LRRN4: variants seen among roughly 807,000 people sequenced by gnomAD.
LRRN4 encodes leucine rich repeat neuronal 4, also known as leucine-rich repeat neuronal protein 4.
A neutral mutation model predicts 22.3 loss-of-function variants in LRRN4; 26 were observed. That is an observed-to-expected ratio of 1.16 (90% CI 0.85 to 1.62). The LOEUF (loss-of-function observed/expected upper bound fraction) is 1.62. LRRN4 is among the 40% of genes most tolerant of loss of function. The probability of loss-of-function intolerance (pLI) is 0.00; values close to 1 mark genes in which losing one functional copy is unlikely to be tolerated. For synonymous variants in LRRN4, 496 were observed against 486.2 expected (o/e 1.02, Z -0.26); for missense variants, 1,070 against 1,008.5 (o/e 1.06, Z -0.83).
rs776917019 is a variant in LRRN4 at position 6,041,311 on chromosome 20, G to T, written c.1934C>A (p.Thr645Asn). 2 of 1,596,784 alleles carry T rather than the reference G, an allele frequency of 1.3e-6. No homozygotes were observed. Among genetic ancestry groups the T allele is most frequent in the Non-Finnish European group, 1.7e-6 (2 of 1,175,636 alleles). ...QHPLYGLSPG[T>N]TYRVCVLAAN... ...CGCCAGCACGCACACGCGGTAGGTG[G>T]TGCCCGGCGACAGCCCGTACAGAGG... Residue 645 changes from threonine to asparagine, a missense_variant, in exon 5 of 5, where the codon ACC (threonine) becomes AAC (asparagine). Transcript: ENST00000378858. This position sits in a 1 kb window ranked among gnomAD's most constrained non-coding sequence, Gnocchi z 9.4.
At chr20:6,044,723 A>G (rs1343213062) in intron 3 of LRRN4, 43 bp from the exon 4 acceptor site, 3 of 1,453,364 alleles carry the variant, frequency 2.1e-6, no homozygotes, top group Non-Finnish European at 2.7e-6. Context: ...GGTTTTTACA[A>G]TTGTATCAAA....
chr20:6,052,861 TC>T (rs1981300965), intron 1 of LRRN4, 57 bp from the exon 2 acceptor site: 2 of 1,469,984 alleles, frequency 1.4e-6, no homozygotes, highest in South Asian at 2.6e-5. Flanking sequence ...GCACAAAGAG[TC>T]AGATGCGCGT....
chr20:6,052,464 G>A lies in LRRN4; in HGVS notation c.336C>T (p.Ala112=), dbSNP rs947742255. The change falls in exon 2 of 5, where the codon GCC becomes GCT. Residue 112 remains alanine, a synonymous_variant. Coordinates refer to ENST00000378858, the MANE Select transcript of LRRN4 (RefSeq NM_152611.5). ...GCCCACCCGGGCCCCAGCGCAGCGC[G>A]GCGATGCGGTTGTGGCGCAGGGTCA... is the stretch of plus-strand genomic sequence containing the variant. ...QVLTLRHNRI[A]ALRWGPGGPA... The A allele has an allele frequency of 6.4e-7, 1 of 1,562,784 alleles. No homozygotes were observed. Among genetic ancestry groups the A allele is most frequent in the Non-Finnish European group, 8.6e-7 (1 of 1,163,218 alleles).
Position 6,052,252 on chromosome 20 carries a change from C to A in LRRN4, c.548G>T (p.Gly183Val). The change falls in exon 2 of 5, where the codon GGT becomes GTT. Residue 183 changes from glycine to valine, a missense_variant. Physicochemically the swap from Gly to Val is moderately radical, Grantham distance 109 (BLOSUM62 -3). Transcript: ENST00000378858. ...GGCGATGCCCCCCTGGGCTCCGCGA[C>A]CCAGCGCGGTGCAGGAGAGGTTGAG... ...QLLNLSCTAL[G>V]RGAQGGIAEA... 6.4e-7 allele frequency: 1 copy of A among 1,559,796 alleles called. No individual in the cohort carries two copies. Among genetic ancestry groups the A allele is most frequent in the Non-Finnish European group, 8.7e-7 (1 of 1,153,142 alleles).
chr20:6,046,624 C>G lies in LRRN4; in HGVS notation c.861-1944G>C, dbSNP rs536152433. 2.0e-5 allele frequency among the ~76,000 whole-genome samples: 3 copies of G among 148,830 alleles called. No homozygotes were observed. In the South Asian group the frequency reaches 6.4e-4, roughly 32 times the overall value. On this transcript the variant is annotated intron_variant, in intron 3 of 4. Transcript: ENST00000378858. ...TCTCTTCTGACCAAAGGCTGGCTTT[C>G]CTCAGTCTGCCTGGGAACCTGCCCT...
intron 2 of LRRN4, 114 bp from the exon 3 acceptor site, chr20:6,051,097 G>A (rs1981233285): frequency 1.2e-6 from 1 of 867,772 alleles, no homozygotes. Context: ...TCATCGCTGA[G>A]CACGGGCACA....
At position 6,041,309 on chromosome 20, in the gene LRRN4, T is replaced by C; in HGVS notation, c.1936A>G (p.Thr646Ala). The C allele has an allele frequency of 6.3e-7, 1 of 1,592,450 alleles. No individual in the cohort carries two copies. Among genetic ancestry groups the C allele is most frequent in the Non-Finnish European group, 8.5e-7 (1 of 1,171,710 alleles). Residue 646 changes from threonine to alanine, a missense_variant, in exon 5 of 5, where the codon ACC becomes GCC. Physicochemically the swap from Thr to Ala is moderately conservative, Grantham distance 58. Transcript: ENST00000378858. This position sits in a 1 kb window ranked among gnomAD's most constrained non-coding sequence, Gnocchi z 9.4. ...HPLYGLSPGT[T>A]YRVCVLAANR... ...GCCGCCAGCACGCACACGCGGTAGG[T>C]GGTGCCCGGCGACAGCCCGTACAGA...
Position 6,052,678 on chromosome 20 carries a change from C to A in LRRN4, c.122G>T (p.Ser41Ile). 1 of 1,575,964 alleles carries A rather than the reference C, an allele frequency of 6.3e-7. No homozygotes were observed. Among genetic ancestry groups the A allele is most frequent in the South Asian group, 1.1e-5 (1 of 87,560 alleles). ...TQQGPWGSSG[S>I]NATDSPCEGL... ...CTCGCAGGGCGAGTCGGTGGCGTTGCTGCCACTGCTCCCCCAGGGGCCCTG... is the reference window on the plus strand; with the variant it reads ...CTCGCAGGGCGAGTCGGTGGCGTTGATGCCACTGCTCCCCCAGGGGCCCTG... The change falls in exon 2 of 5, where the codon AGC becomes ATC. Residue 41 changes from serine to isoleucine, a missense_variant. Coordinates refer to ENST00000378858, the MANE Select transcript of LRRN4 (RefSeq NM_152611.5).
rs1981326654 is a variant in LRRN4 at position 6,053,941 on chromosome 20, T to G, written c.-117A>C. Reference sequence around the variant, plus strand: ...TTTGGACAGCAACTCAGCTATGAACTCCAGAGGGAGGCCTGTCTCCCAGCT... The same window carrying G: ...TTTGGACAGCAACTCAGCTATGAACGCCAGAGGGAGGCCTGTCTCCCAGCT... On this transcript the variant is annotated 5_prime_UTR_variant, in exon 1 of 5. Coordinates refer to ENST00000378858, the MANE Select transcript of LRRN4 (RefSeq NM_152611.5). The G allele has an allele frequency of 6.6e-6, 1 of 152,324 alleles. No homozygotes were observed. The highest frequency in any genetic ancestry group is 2.1e-4 in the South Asian group (1 of 4,826). The allele number at this position is 152,324 out of a possible 1,614,324, so 9.4% of individuals were successfully genotyped here. A position where few individuals can be genotyped will look rare whatever the true frequency, so the allele number is the denominator to read the frequency against.
In LRRN4 at chr20:6,041,414, G is replaced by C. The variant is rs1466236494; in HGVS notation, c.1831C>G (p.Gln611Glu). The C allele has an allele frequency of 1.9e-6, 3 of 1,564,064 alleles. No homozygotes were observed. Among genetic ancestry groups the C allele is most frequent in the Non-Finnish European group, 2.6e-6 (3 of 1,154,760 alleles). The stretch of plus-strand genomic sequence containing the variant: ...CAGCCCTCCGCAGAGTAGCGGATCT[G>C]GTACCCATGCACTACCGAGTTGGGG... ...CAPNSVVHGY[Q>E]IRYSAEGWAG... is the part of the protein sequence containing the mutation. Residue 611 changes from glutamine to glutamate, a missense_variant, in exon 5 of 5, where the codon CAG becomes GAG. Gln to Glu is a conservative substitution (Grantham distance 29). Coordinates refer to ENST00000378858, the MANE Select transcript of LRRN4 (RefSeq NM_152611.5). This position sits in a 1 kb window ranked among gnomAD's most constrained non-coding sequence, Gnocchi z 9.4.
Position 6,041,732 on chromosome 20 carries a change from C to T in LRRN4, c.1513G>A (p.Ala505Thr), listed in dbSNP as rs1303514639. 2 of 1,613,570 alleles carry T rather than the reference C, an allele frequency of 1.2e-6. No individual in the cohort carries two copies. Among genetic ancestry groups the T allele is most frequent in the Admixed American group, 1.7e-5 (1 of 60,006 alleles). Residue 505 changes from alanine (A) to threonine (T), a missense_variant, in exon 5 of 5, where the codon GCC becomes ACC. Coordinates refer to ENST00000378858, the MANE Select transcript of LRRN4 (RefSeq NM_152611.5). The surrounding 1 kb of genome is among the most constrained non-coding windows in gnomAD (Gnocchi z 9.4). ...SSPQPGQRTHATPQAPNPSLS... is the reference protein window; with the variant it reads ...SSPQPGQRTHTTPQAPNPSLS... ...CTCGGGTTGGGGGCTTGGGGTGTGG[C>T]GTGTGTCCTCTGGCCGGGCTGAGGC...
In LRRN4 at chr20:6,052,134, C is replaced by A; in HGVS notation, c.655+11G>T. 1 of 1,581,458 alleles carries A rather than the reference C, an allele frequency of 6.3e-7. No individual in the cohort carries two copies. On this transcript the variant is annotated intron_variant, in intron 2 of 4. Coordinates refer to ENST00000378858, the MANE Select transcript of LRRN4 (RefSeq NM_152611.5). ...TCAGGCCGGCTGAAAACGCGGGGCG[C>A]CCGGACTCACCCCGTTCAAGGAACG...
chr20:6,040,760 C>A lies in LRRN4; in HGVS notation c.*262G>T. On this transcript the variant is annotated 3_prime_UTR_variant, in exon 5 of 5. Coordinates refer to ENST00000378858, the MANE Select transcript of LRRN4 (RefSeq NM_152611.5). ...CTGAAAACCGCAAATGAACCAACAA[C>A]ACACAAGAAGGCCTGGCGGCAGTGG... 1 of 525,156 alleles carries A rather than the reference C, an allele frequency of 1.9e-6. No homozygotes were observed. The highest frequency in any genetic ancestry group is 3.4e-6 in the Non-Finnish European group (1 of 295,238). 32.5% of individuals were successfully genotyped at this position (525,156 alleles called of 1,614,324 possible).
In LRRN4 at chr20:6,044,686, A is replaced by G; in HGVS notation, c.861-6T>C. 6.6e-7 allele frequency: 1 copy of G among 1,515,406 alleles called. No homozygotes were observed. Among genetic ancestry groups the G allele is most frequent in the African/African-American group, 1.4e-5 (1 of 71,284 alleles). The allele number at this position is 1,515,406 out of a possible 1,614,324, so 93.9% of individuals were successfully genotyped here. A position where few individuals can be genotyped will look rare whatever the true frequency, so the allele number is the denominator to read the frequency against. On this transcript the variant is annotated splice_region_variant and splice_polypyrimidine_tract_variant and intron_variant, in intron 3 of 4. Transcript: ENST00000378858. ...GGAAGGAACTCAAGTTGCAGCTGAAATACAAACAAAAAAATTAATTAAGTC... is the reference window on the plus strand; with the variant it reads ...GGAAGGAACTCAAGTTGCAGCTGAAGTACAAACAAAAAAATTAATTAAGTC...
chr20:6,041,164 A>G lies in LRRN4; in HGVS notation c.2081T>C (p.Leu694Ser), dbSNP rs756604803. The change falls in exon 5 of 5, where the codon TTG becomes TCG. Residue 694 changes from leucine to serine, a missense_variant. By Grantham distance (145) the Leu-to-Ser change is moderately radical (BLOSUM62 -2). Transcript: ENST00000378858. The surrounding 1 kb of genome is among the most constrained non-coding windows in gnomAD (Gnocchi z 9.4). ...GGACAGCACCACGGTGCTGGCGAGC[A>G]ACAGGCCGCTGGCGGCGCACAGCCC... ...LSGLCAASGL[L>S]LASTVVLSAC... The G allele has an allele frequency of 6.2e-7, 1 of 1,602,780 alleles. No homozygotes were observed. Among genetic ancestry groups the G allele is most frequent in the Non-Finnish European group, 8.5e-7 (1 of 1,174,298 alleles).
At position 6,040,944 on chromosome 20, in the gene LRRN4, G is replaced by C; in HGVS notation, c.*78C>G. 6.4e-7 allele frequency: 1 copy of C among 1,567,486 alleles called. No individual in the cohort carries two copies. Among genetic ancestry groups the C allele is most frequent in the Non-Finnish European group, 8.7e-7 (1 of 1,154,232 alleles). Reference sequence around the variant, plus strand: ...GAATTAGAAACCCTAGGAGCGGATGGGGTCGTTTTTGACCGTCTGTGTCTT... The same window carrying C: ...GAATTAGAAACCCTAGGAGCGGATGCGGTCGTTTTTGACCGTCTGTGTCTT... On this transcript the variant is annotated 3_prime_UTR_variant, in exon 5 of 5. Coordinates refer to ENST00000378858, the MANE Select transcript of LRRN4 (RefSeq NM_152611.5).
At chr20:6,053,051 T>G (rs1049109519) in intron 1 of LRRN4, among the ~76,000 whole-genome samples, 1 of 152,140 alleles carries the variant, frequency 6.6e-6, no homozygotes, top group Non-Finnish European at 1.5e-5. Flanking sequence ...CAAGGATGCC[T>G]TTTCCTCTTC....
Position 6,041,827 on chromosome 20 carries a change from G to C in LRRN4, c.1418C>G (p.Ala473Gly). 6.2e-7 allele frequency: 1 copy of C among 1,614,180 alleles called. No homozygotes were observed. Among genetic ancestry groups the C allele is most frequent in the Non-Finnish European group, 8.5e-7 (1 of 1,180,018 alleles). ...CTTGCTGGCCAGTGGGGTGGAGGCA[G>C]CTGAGATATCAGGCTCAAGGACAAG... is the stretch of plus-strand genomic sequence containing the variant. ...PELVLEPDIS[A>G]ASTPLASKLL... Residue 473 changes from alanine (A) to glycine (G), a missense_variant, in exon 5 of 5, where the codon GCT (alanine) becomes GGT (glycine). Ala to Gly is a moderately conservative substitution (Grantham distance 60). Coordinates refer to ENST00000378858, the MANE Select transcript of LRRN4 (RefSeq NM_152611.5). This position sits in a 1 kb window ranked among gnomAD's most constrained non-coding sequence, Gnocchi z 9.4.
chr20:6,045,041 G>C (rs1981071373), intron 3 of LRRN4, among the ~76,000 whole-genome samples: 1 of 150,332 alleles, frequency 6.7e-6, no homozygotes, highest in Admixed American at 6.6e-5. Context: ...GGGAAAGGAA[G>C]AGGATTACAT....
Sources: gnomAD v4.1 joint callset for allele counts (sites outside exome capture counted in the v4.1 genomes callset) on GRCh38, gnomAD v4.1.1 for gene constraint, Gnocchi (gnomAD v3.1) non-coding constraint, MANE v1.5 for transcripts, NCBI Gene and HGNC (gene_info 2026-07-23, HGNC 2026-07-21) for gene names.